Variants in BACH1 observed in about 807,000 individuals in gnomAD.
BACH1 encodes transcription regulator protein BACH1.
Under a neutral mutation model 52.9 loss-of-function variants are expected in BACH1, and 35 were observed. The ratio of observed to expected loss-of-function variants is 0.66; its 90% CI spans 0.51 to 0.88. The LOEUF (loss-of-function observed/expected upper bound fraction) is 0.88, where lower values mean the gene tolerates loss of function less well. Among genes scored for constraint, BACH1 ranks in the 40% least tolerant of loss-of-function variants. The pLI, the probability that BACH1 is intolerant of heterozygous loss-of-function variation, is 0.00. For missense variants in BACH1, 808 were observed against 872.6 expected (o/e 0.93, Z 0.93); for synonymous variants, 321 against 319.6 (o/e 1.00, Z -0.05).
rs753679298 is a variant in BACH1, at chr21:29,321,430, C to T, written c.150C>T (p.Ser50=). ...GACAGCGGTTCCGCGCTCACCGGTC[C>T]GTGCTGGCGGCATGCAGCAGTTACT... is the stretch of plus-strand genomic sequence containing the variant. The part of the protein sequence containing the change: ...VEGQRFRAHR[S]VLAACSSYFH... The change falls in exon 2 of 5, where the codon TCC becomes TCT. Residue 50 remains serine (S), a synonymous_variant. Transcript: ENST00000286800. 20 of 1,614,182 alleles carry T rather than the reference C, an allele frequency of 1.2e-5. No individual in the cohort carries two copies. The highest frequency in any genetic ancestry group is 1.6e-4 in the Middle Eastern group (1 of 6,062).
chr21:29,360,631 G>T (rs1350892413), intron 2 of BACH1, among the ~76,000 whole-genome samples: 1 of 152,092 alleles, frequency 6.6e-6, no homozygotes, highest in African/African-American at 2.4e-5. Flanking sequence ...GATCACCTGA[G>T]CTCAGGAGTT....
chr21:29,332,787 G>A (rs927532002), intron 4 of BACH1, among the ~76,000 whole-genome samples: 1 of 152,220 alleles, frequency 6.6e-6, no homozygotes, highest in Non-Finnish European at 1.5e-5. Context: ...CCCAAGGAGA[G>A]CATCTTACTG....
chr21:29,331,838 A>G (rs1456761716), intron 4 of BACH1, among the ~76,000 whole-genome samples: 1 of 152,356 alleles, frequency 6.6e-6, no homozygotes, highest in Admixed American at 6.5e-5. Flanking sequence ...GTAACTACTC[A>G]ATAAATACTA....
intron 2 of BACH1, 36 bp downstream of exon 2, chr21:29,321,550 T>G: frequency 1.3e-6 from 2 of 1,572,392 alleles, no homozygotes; most frequent in South Asian, 1.1e-5. Flanking sequence ...TTTAATCTAC[T>G]TTTACTTAAG....
At chr21:29,347,989 A>G (rs571504773), downstream of BACH1, among the ~76,000 whole-genome samples, 4 of 152,336 alleles carry the variant, frequency 2.6e-5, no homozygotes, top group African/African-American at 9.6e-5. Context: ...AGAGAAAAAA[A>G]TTCAAAGATT....
At chr21:29,348,601 G>C (rs374667005), downstream of BACH1, among the ~76,000 whole-genome samples, 34 of 152,238 alleles carry the variant, frequency 2.2e-4, no homozygotes, top group East Asian at 3.9e-3. Flanking sequence ...TCATTCCTGG[G>C]GGAAAGACCA....
intron 1 of BACH1, among the ~76,000 whole-genome samples, chr21:29,316,185 T>A (rs1369907231): frequency 6.6e-6 from 1 of 152,228 alleles, no homozygotes; most frequent in African/African-American, 2.4e-5. Context: ...CCTTAGGTTT[T>A]TAAGAGTTTT....
chr21:29,358,769 GA>G (rs372288910), intron 2 of BACH1, among the ~76,000 whole-genome samples: 605 of 31,148 alleles, frequency 0.019, 5 homozygotes, highest in African/African-American at 0.041. Context: ...GAAAAGAAAA[GA>G]AAAGAAAGAA....
At chr21:29,337,752 G>T (rs1010208487) in intron 4 of BACH1, among the ~76,000 whole-genome samples, 1 of 152,034 alleles carries the variant, frequency 6.6e-6, no homozygotes, top group African/African-American at 2.4e-5. Context: ...AATGTGCCGG[G>T]TGCGGTGGCT....
chr21:29,356,069 C>A (rs2089232759), intron 2 of BACH1, among the ~76,000 whole-genome samples: 1 of 152,176 alleles, frequency 6.6e-6, no homozygotes, highest in Non-Finnish European at 1.5e-5. Context: ...TGCAAACTAT[C>A]TGAGAAATCC....
chr21:29,326,550 G>C lies in BACH1; in HGVS notation c.726G>C (p.Gly242=). Residue 242 remains glycine (G), a synonymous_variant, in exon 3 of 5, where the codon GGG becomes GGC. Coordinates refer to ENST00000286800, the MANE Select transcript of BACH1 (RefSeq NM_001186.4). ...TTGGAACTGACAGAGTCCGTACTGG[G>C]GAATCTAGTGTCAAAGACATTCATG... is the stretch of plus-strand genomic sequence containing the variant. ...KAFGTDRVRT[G]ESSVKDIHAS... The C allele has an allele frequency of 6.2e-7, 1 of 1,614,160 alleles. No homozygotes were observed. Among genetic ancestry groups the C allele is most frequent in the South Asian group, 1.1e-5 (1 of 91,070 alleles).
chr21:29,353,985 G>T (rs764543826), intron 2 of BACH1, among the ~76,000 whole-genome samples: 6 of 152,154 alleles, frequency 3.9e-5, no homozygotes, highest in Non-Finnish European at 5.9e-5. Context: ...AGGGAGGGAG[G>T]TTGCCTTTGA....
Position 29,342,375 on chromosome 21 carries a change from GTGTTC to G in BACH1, c.1777-22_1777-18del. On this transcript the variant is annotated intron_variant, in intron 4 of 4. Coordinates refer to ENST00000286800, the MANE Select transcript of BACH1 (RefSeq NM_001186.4). Reference sequence around the variant, plus strand: ...ATTGAGCTAATAAACACAAGCCATTGTGTTCTCTTTCCCCACTTCACAGCAAAGTG... The same window carrying G: ...ATTGAGCTAATAAACACAAGCCATTGTCTTTCCCCACTTCACAGCAAAGTG... The G allele has an allele frequency of 6.3e-7, 1 of 1,596,652 alleles. No individual in the cohort carries two copies. Among genetic ancestry groups the G allele is most frequent in the South Asian group, 1.1e-5 (1 of 89,516 alleles).
intron 4 of BACH1, among the ~76,000 whole-genome samples, chr21:29,334,216 G>A (rs1218363053): frequency 1.3e-5 from 2 of 151,974 alleles, no homozygotes; most frequent in East Asian, 3.9e-4. Flanking sequence ...ACCTGCCTCG[G>A]CCTCCCGAGT....
At chr21:29,309,040 C>G (rs1319761455) in intron 1 of BACH1, among the ~76,000 whole-genome samples, 2 of 152,020 alleles carry the variant, frequency 1.3e-5, no homozygotes, top group Non-Finnish European at 2.9e-5. Flanking sequence ...GGCAGATCAC[C>G]TGAGGTCAGG....
chr21:29,305,189 T>TC (rs1248426628), intron 1 of BACH1: 113 of 152,072 alleles, frequency 7.4e-4, no homozygotes, highest in African/African-American at 2.6e-3. Flanking sequence ...TTTTTTTTTT[T>TC]TTCTTTCACA....
At chr21:29,329,722 T>G (rs1371311998) in intron 4 of BACH1, 29 bp downstream of exon 4, 1 of 1,426,564 alleles carries the variant, frequency 7.0e-7, no homozygotes, top group South Asian at 1.5e-5. Context: ...TGTTACTATT[T>G]AAATTCCACC....
intron 2 of BACH1, among the ~76,000 whole-genome samples, chr21:29,360,571 G>A (rs1048576527): frequency 6.6e-6 from 1 of 152,080 alleles, no homozygotes; most frequent in Non-Finnish European, 1.5e-5. Flanking sequence ...CTGGCCAGGC[G>A]CAGTGGCTCA....
intron 4 of BACH1, among the ~76,000 whole-genome samples, chr21:29,339,234 C>A (rs1601366271): frequency 1.3e-5 from 2 of 152,282 alleles, no homozygotes; most frequent in East Asian, 1.9e-4. Context: ...GGCCTTCCAG[C>A]AGCAGTATAT....
Sources: gnomAD v4.1 joint callset for allele counts (sites outside exome capture counted in the v4.1 genomes callset) on GRCh38, gnomAD v4.1.1 for gene constraint, MANE v1.5 for transcripts, NCBI Gene and HGNC (gene_info 2026-07-23, HGNC 2026-07-21) for gene names.